Variants in SLC6A17 observed in about 807,000 individuals in gnomAD.
SLC6A17 encodes solute carrier family 6 member 17, also known as sodium-dependent neutral amino acid transporter SLC6A17.
In SLC6A17, 21 loss-of-function variants were observed where a neutral mutation model predicts 64.5. The observed-to-expected ratio is 0.33, with a 90% CI of 0.23 to 0.47. SLC6A17 has a LOEUF of 0.47. SLC6A17 is among the 20% of genes least tolerant of loss of function. SLC6A17 has a pLI of 1.00. For missense variants in SLC6A17, 682 were observed against 963.2 expected (o/e 0.71, Z 3.86); for synonymous variants, 372 against 399.5 (o/e 0.93, Z 0.82).
intron 2 of SLC6A17, 95 bp downstream of exon 2, chr1:110,167,310 G>C: frequency 6.9e-7 from 1 of 1,452,882 alleles, no homozygotes; most frequent in Non-Finnish European, 9.2e-7. Flanking sequence ...CAGAACTGGA[G>C]CCCTTGTAGG....
intron 1 of SLC6A17, among the ~76,000 whole-genome samples, chr1:110,155,646 A>T (rs996084010): frequency 5.3e-5 from 8 of 152,030 alleles, no homozygotes; most frequent in African/African-American, 1.9e-4. Context: ...CTGAGCTGCC[A>T]CTCTGCCTTC....
intron 1 of SLC6A17, chr1:110,166,139 A>G (rs528591229): frequency 6.6e-6 from 1 of 152,316 alleles, no homozygotes; most frequent in African/African-American, 2.4e-5. Context: ...CTGAGCAATG[A>G]CCCAAGATTC....
chr1:110,189,558 G>A lies in SLC6A17; in HGVS notation c.865-2414G>A, dbSNP rs1445022469. Among the ~76,000 whole-genome samples the A allele has an allele frequency of 3.3e-5, 5 of 152,302 alleles. 1 individual carries two copies. The South Asian group carries it at 6.2e-4, about 19-fold the overall frequency. On this transcript the variant is annotated intron_variant, in intron 6 of 11. Coordinates refer to ENST00000331565, the MANE Select transcript of SLC6A17 (RefSeq NM_001010898.4). ...ATTTCTTTTGGAAATGCACATGATT[G>A]TGTCCCCACTTCTTTAAACCCCTCG...
intron 6 of SLC6A17, among the ~76,000 whole-genome samples, chr1:110,181,358 ATGT>A (rs1172787345): frequency 7.9e-5 from 12 of 152,260 alleles, no homozygotes; most frequent in African/African-American, 2.7e-4. Flanking sequence ...TCAGTGTACA[ATGT>A]TGTTCATTAC....
chr1:110,169,273 A>C (rs1265382689), intron 2 of SLC6A17, among the ~76,000 whole-genome samples: 1 of 152,174 alleles, frequency 6.6e-6, no homozygotes, highest in East Asian at 1.9e-4. Context: ...TTTTATGAGA[A>C]AAAGGCAAAT....
In SLC6A17 at chr1:110,197,535, C is replaced by T; in HGVS notation, c.1751C>T (p.Thr584Ile). Reference sequence around the variant, plus strand: ...TCTCCACTATGCATGGCTGTGCTCACCACAGCCAGCATCATCCAGCTGGGG... The same window carrying T: ...TCTCCACTATGCATGGCTGTGCTCATCACAGCCAGCATCATCCAGCTGGGG... ...FVSPLCMAVL[T>I]TASIIQLGVT... The change falls in exon 11 of 12, where the codon ACC (threonine) becomes ATC (isoleucine). Residue 584 changes from threonine (T) to isoleucine (I), a missense_variant. Thr to Ile is a moderately conservative substitution (Grantham distance 89). Transcript: ENST00000331565. 4.3e-6 allele frequency: 7 copies of T among 1,613,582 alleles called. No individual in the cohort carries two copies. The highest frequency in any genetic ancestry group is 5.9e-6 in the Non-Finnish European group (7 of 1,179,804).
At chr1:110,156,155 A>C (rs1425892243) in intron 1 of SLC6A17, among the ~76,000 whole-genome samples, 1 of 152,212 alleles carries the variant, frequency 6.6e-6, no homozygotes, top group Non-Finnish European at 1.5e-5. Context: ...TTGGGACTCC[A>C]CATAACAGCT....
At chr1:110,197,233 G>A (rs541867129) in intron 10 of SLC6A17, among the ~76,000 whole-genome samples, 21 of 152,316 alleles carry the variant, frequency 1.4e-4, no homozygotes, top group African/African-American at 4.3e-4. Flanking sequence ...ATGATGTGAC[G>A]GAATCAGAAG....
intron 6 of SLC6A17, among the ~76,000 whole-genome samples, chr1:110,186,472 AGG>A: frequency 6.7e-6 from 1 of 148,320 alleles, no homozygotes. Flanking sequence ...GAAAGAGAAG[AGG>A]AAAGGATAAT....
intron 3 of SLC6A17, among the ~76,000 whole-genome samples, chr1:110,172,925 A>G (rs535425619): frequency 6.6e-6 from 1 of 152,368 alleles, no homozygotes; most frequent in Admixed American, 6.5e-5. Context: ...CCTGGGATAA[A>G]GACTGAAATG....
chr1:110,163,861 C>T (rs766986926), intron 1 of SLC6A17, among the ~76,000 whole-genome samples: 5 of 152,160 alleles, frequency 3.3e-5, no homozygotes, highest in Non-Finnish European at 5.9e-5. Context: ...CTGTCATTCA[C>T]GCCTCTGCTC....
At chr1:110,152,531 C>G (rs534650669) in intron 1 of SLC6A17, among the ~76,000 whole-genome samples, 2 of 152,272 alleles carry the variant, frequency 1.3e-5, no homozygotes, top group Admixed American at 1.3e-4. Flanking sequence ...AGGAGCTAAG[C>G]AGAGCTCTGG....
chr1:110,177,399 C>T (rs1451223420), intron 6 of SLC6A17, among the ~76,000 whole-genome samples: 2 of 152,194 alleles, frequency 1.3e-5, no homozygotes, highest in African/African-American at 4.8e-5. Flanking sequence ...GCAGCAGAGG[C>T]ACGGGCATCC....
At chr1:110,197,060 A>G (rs1421242968) in intron 10 of SLC6A17, among the ~76,000 whole-genome samples, 1 of 152,198 alleles carries the variant, frequency 6.6e-6, no homozygotes, top group Non-Finnish European at 1.5e-5. Context: ...TTTGGACTCT[A>G]GAGAAGTGCA....
At chr1:110,184,953 C>G (rs1022490573) in intron 6 of SLC6A17, among the ~76,000 whole-genome samples, 1 of 152,122 alleles carries the variant, frequency 6.6e-6, no homozygotes, top group Non-Finnish European at 1.5e-5. Context: ...GGGTGTGCAT[C>G]AACTCCTAGA....
chr1:110,180,231 G>T (rs1445217258), intron 6 of SLC6A17, among the ~76,000 whole-genome samples: 2 of 152,230 alleles, frequency 1.3e-5, no homozygotes, highest in African/African-American at 2.4e-5. Flanking sequence ...CATGAAAATT[G>T]GTGGCTGAAG....
intron 6 of SLC6A17, among the ~76,000 whole-genome samples, chr1:110,183,124 A>G (rs988047644): frequency 3.9e-5 from 6 of 152,248 alleles, no homozygotes; most frequent in African/African-American, 1.4e-4. Flanking sequence ...TCCTAGGCAC[A>G]TATCCAAGAG....
intron 4 of SLC6A17, 87 bp from the exon 5 acceptor site, chr1:110,174,692 C>T (rs963045491): frequency 6.4e-5 from 96 of 1,505,566 alleles, no homozygotes; most frequent in Non-Finnish European, 7.4e-5. Flanking sequence ...CTCCCTCACC[C>T]ACTGCTGCCC....
At chr1:110,195,248 C>T (rs1656931345) in intron 9 of SLC6A17, among the ~76,000 whole-genome samples, 1 of 152,228 alleles carries the variant, frequency 6.6e-6, no homozygotes, top group Non-Finnish European at 1.5e-5. Context: ...AGTGGGGAAA[C>T]TGAGGTGGAG....
Sources: gnomAD v4.1 joint callset for allele counts (sites outside exome capture counted in the v4.1 genomes callset) on GRCh38, gnomAD v4.1.1 for gene constraint, MANE v1.5 for transcripts, NCBI Gene and HGNC (gene_info 2026-07-23, HGNC 2026-07-21) for gene names.